The following MAGI2 variants were observed in gnomAD, a reference collection of about 807,000 sequenced individuals.
MAGI2 encodes membrane associated guanylate kinase, WW and PDZ domain containing 2.
MAGI2 carries 35 observed loss-of-function variants against 133.3 expected under a neutral mutation model. That is an observed-to-expected ratio of 0.26 (90% CI 0.20 to 0.35). MAGI2 has a LOEUF of 0.35. Ranked by LOEUF, MAGI2 falls within the 10% of genes least tolerant of loss-of-function variation. MAGI2 has a pLI of 1.00. For synonymous variants in MAGI2, 729 were observed against 710.6 expected (o/e 1.03, Z -0.41); for missense variants, 1,636 against 1,863.4 (o/e 0.88, Z 2.25).
At chr7:78,276,247 T>G (rs1323390077) in intron 9 of MAGI2, among the ~76,000 whole-genome samples, 5 of 152,178 alleles carry the variant, frequency 3.3e-5, no homozygotes, top group Non-Finnish European at 7.3e-5. Context: ...TAATTAAAAT[T>G]TAGACTTAGC....
intron 1 of MAGI2, among the ~76,000 whole-genome samples, chr7:79,237,360 G>T (rs1337841471): frequency 5.3e-5 from 8 of 152,178 alleles, no homozygotes; most frequent in African/African-American, 1.9e-4. Flanking sequence ...CGGCGTGGTG[G>T]CAGGTGCCTG....
intron 9 of MAGI2, among the ~76,000 whole-genome samples, chr7:78,310,421 G>A (rs376029971): frequency 3.3e-5 from 5 of 152,022 alleles, no homozygotes; most frequent in Admixed American, 6.6e-5. Flanking sequence ...GCAATAGAGC[G>A]AGACTCCAGC....
chr7:79,176,200 T>G (rs2129549674), intron 1 of MAGI2, among the ~76,000 whole-genome samples: 1 of 152,062 alleles, frequency 6.6e-6, no homozygotes, highest in African/African-American at 2.4e-5. Flanking sequence ...CGAATATACC[T>G]TTAAGGAAGG....
intron 5 of MAGI2, among the ~76,000 whole-genome samples, chr7:78,499,433 T>C (rs1238360692): frequency 6.6e-6 from 1 of 152,192 alleles, no homozygotes; most frequent in Non-Finnish European, 1.5e-5. Context: ...GCCAACAAGT[T>C]TGAAAGCAAG....
intron 2 of MAGI2, among the ~76,000 whole-genome samples, chr7:78,648,348 T>G (rs1811125709): frequency 6.6e-6 from 1 of 152,150 alleles, no homozygotes; most frequent in Admixed American, 6.6e-5. Flanking sequence ...TAAAAAATGC[T>G]CAGTACGTTG....
At chr7:78,138,725 G>A (rs17161317) in intron 16 of MAGI2, among the ~76,000 whole-genome samples, 17,006 of 150,942 alleles carry the variant, frequency 0.11, 1,032 homozygotes, top group East Asian at 0.19. Flanking sequence ...TTAATTTCCA[G>A]GCACTGCAGA....
intron 2 of MAGI2, among the ~76,000 whole-genome samples, chr7:78,696,193 T>C (rs747424352): frequency 1.2e-4 from 18 of 152,262 alleles, no homozygotes; most frequent in Non-Finnish European, 1.9e-4. Flanking sequence ...CTGCCTCAGC[T>C]TCCCAAAGTG....
At chr7:79,349,008 A>G (rs1487969529) in intron 1 of MAGI2, among the ~76,000 whole-genome samples, 1 of 151,960 alleles carries the variant, frequency 6.6e-6, no homozygotes, top group African/African-American at 2.4e-5. Flanking sequence ...AAAAAAAGAC[A>G]TCTCTGTTAT....
intron 1 of MAGI2, among the ~76,000 whole-genome samples, chr7:79,310,293 T>C (rs905317301): frequency 6.8e-6 from 1 of 146,072 alleles, no homozygotes; most frequent in African/African-American, 2.5e-5. Context: ...ATTCTAAAGA[T>C]ACAGCAATCC....
In MAGI2 at chr7:78,498,243, A is replaced by T. The variant is rs371693258; in HGVS notation, c.965+3334T>A. Among the ~76,000 whole-genome samples the T allele has an allele frequency of 1.3e-4, 20 of 152,238 alleles. No individual in the cohort carries two copies. In the South Asian group the frequency reaches 4.1e-3, roughly 32 times the overall value. ...GAACATATTTCTACTTTCCCTTTCT[A>T]TCATGCTTTCTGGTACATAACTACT... On this transcript the variant is annotated intron_variant, in intron 5 of 21. Transcript: ENST00000354212.
At chr7:78,757,789 C>A (rs1334501502) in intron 2 of MAGI2, among the ~76,000 whole-genome samples, 6 of 152,110 alleles carry the variant, frequency 3.9e-5, no homozygotes. Flanking sequence ...GAGTTTAGTA[C>A]AGAAAGTGTT....
intron 20 of MAGI2, among the ~76,000 whole-genome samples, chr7:78,110,043 G>A (rs985372650): frequency 1.3e-5 from 2 of 152,092 alleles, no homozygotes; most frequent in African/African-American, 2.4e-5. Flanking sequence ...GCACTGACTC[G>A]GGAGCTTGCC....
intron 3 of MAGI2, among the ~76,000 whole-genome samples, chr7:78,524,185 C>A (rs561410771): frequency 3.3e-5 from 5 of 152,246 alleles, no homozygotes; most frequent in Non-Finnish European, 5.9e-5. Context: ...AGGGGGAGCC[C>A]TACCGTCCAC....
chr7:79,039,874 A>T (rs962903460), intron 1 of MAGI2, among the ~76,000 whole-genome samples: 1 of 143,730 alleles, frequency 7.0e-6, no homozygotes, highest in African/African-American at 2.6e-5. Context: ...TATAATATAT[A>T]TGTATATATA....
At chr7:79,348,729 C>A (rs888540569) in intron 1 of MAGI2, among the ~76,000 whole-genome samples, 1 of 151,674 alleles carries the variant, frequency 6.6e-6, no homozygotes, top group Non-Finnish European at 1.5e-5. Context: ...TCATTTACAG[C>A]CACTTTTGAT....
chr7:79,050,186 T>G (rs940857170), intron 1 of MAGI2, among the ~76,000 whole-genome samples: 2 of 152,130 alleles, frequency 1.3e-5, no homozygotes, highest in African/African-American at 4.8e-5. Flanking sequence ...ACATGTGAAT[T>G]TGGGCTCCAT....
At chr7:78,140,864 C>CT (rs1343822507) in intron 16 of MAGI2, among the ~76,000 whole-genome samples, 1 of 152,190 alleles carries the variant, frequency 6.6e-6, no homozygotes, top group Non-Finnish European at 1.5e-5. Flanking sequence ...AAGAAACTCA[C>CT]TGTCTGGTTG....
intron 1 of MAGI2, among the ~76,000 whole-genome samples, chr7:79,039,331 A>AAAAT (rs1040537778): frequency 3.3e-5 from 5 of 152,198 alleles, no homozygotes; most frequent in African/African-American, 4.8e-5. Context: ...TCTTTTTATT[A>AAAAT]AAATAAATAA....
intron 1 of MAGI2, among the ~76,000 whole-genome samples, chr7:79,416,411 C>T (rs530928633): frequency 1.3e-5 from 2 of 152,016 alleles, no homozygotes; most frequent in South Asian, 4.2e-4. Flanking sequence ...AAGGAAAAAA[C>T]ATTTACAAAA....
Sources: gnomAD v4.1 joint callset for allele counts (sites outside exome capture counted in the v4.1 genomes callset) on GRCh38, gnomAD v4.1.1 for gene constraint, MANE v1.5 for transcripts, NCBI Gene and HGNC (gene_info 2026-07-23, HGNC 2026-07-21) for gene names.